KSR1: variants seen among roughly 807,000 people sequenced by gnomAD.
KSR1 encodes the protein kinase suppressor of ras 1.
A neutral mutation model predicts 92.9 loss-of-function variants in KSR1; 35 were observed. The ratio of observed to expected loss-of-function variants is 0.38; its 90% CI spans 0.29 to 0.50. The LOEUF (loss-of-function observed/expected upper bound fraction) is 0.50, where lower values mean the gene tolerates loss of function less well. Among genes scored for constraint, KSR1 ranks in the 20% least tolerant of loss-of-function variants. The pLI is 0.94. For synonymous variants in KSR1, 467 were observed against 472.6 expected (o/e 0.99, Z 0.15); for missense variants, 972 against 1,158.5 (o/e 0.84, Z 2.34).
At chr17:27,486,546 G>A (rs1432550294) in intron 1 of KSR1, among the ~76,000 whole-genome samples, 1 of 152,202 alleles carries the variant, frequency 6.6e-6, no homozygotes, top group East Asian at 1.9e-4. Flanking sequence ...TGGGAAGTGG[G>A]GGCCCTGGAG....
intron 1 of KSR1, among the ~76,000 whole-genome samples, chr17:27,537,723 C>G (rs1240371227): frequency 6.6e-6 from 1 of 152,090 alleles, no homozygotes; most frequent in Non-Finnish European, 1.5e-5. Context: ...ATAAAAATAC[C>G]TATCGGGATT....
intron 2 of KSR1, among the ~76,000 whole-genome samples, chr17:27,568,666 A>G (rs2072183150): frequency 6.6e-6 from 1 of 152,190 alleles, no homozygotes; most frequent in Non-Finnish European, 1.5e-5. Flanking sequence ...GGGGTCCCCC[A>G]TGGGGAGTTA....
intron 2 of KSR1, among the ~76,000 whole-genome samples, chr17:27,556,689 C>G (rs2071608097): frequency 6.6e-6 from 1 of 152,218 alleles, no homozygotes; most frequent in Non-Finnish European, 1.5e-5. Context: ...GGGCCATGCC[C>G]ACAGAAGAAG....
intron 2 of KSR1, chr17:27,560,595 T>C: frequency 6.3e-6 from 3 of 478,310 alleles, no homozygotes; most frequent in Non-Finnish European, 1.3e-5. Context: ...ACCATTTTGG[T>C]TTCCCAGTGG....
In KSR1 at chr17:27,624,909, G is replaced by A. The variant is rs2074306232; in HGVS notation, c.*1517G>A. ...TGAGCTGCTCTGCCAGCAAGCTGTG[G>A]AGCTGCCTCCTCTCCAGGCCTGGCA... is the stretch of plus-strand genomic sequence containing the variant. On this transcript the variant is annotated 3_prime_UTR_variant, in exon 21 of 21. Coordinates refer to ENST00000644974, the MANE Select transcript of KSR1 (RefSeq NM_001394583.1). 1 of 152,346 alleles carries A rather than the reference G, an allele frequency of 6.6e-6. No individual in the cohort carries two copies. The highest frequency in any genetic ancestry group is 2.1e-4 in the South Asian group (1 of 4,826). 9.4% of individuals were successfully genotyped at this position (152,346 alleles called of 1,614,324 possible). A position where few individuals can be genotyped will look rare whatever the true frequency, so the allele number is the denominator to read the frequency against.
At chr17:27,605,980 T>C (rs2073739695) in intron 14 of KSR1, among the ~76,000 whole-genome samples, 167 bp downstream of exon 14, 1 of 152,138 alleles carries the variant, frequency 6.6e-6, no homozygotes, top group African/African-American at 2.4e-5. Context: ...GCATTGACAC[T>C]AAAAAATAAA....
chr17:27,603,904 T>G lies in KSR1; in HGVS notation c.1565+16T>G, dbSNP rs1598129083. 2 of 1,613,398 alleles carry G rather than the reference T, an allele frequency of 1.2e-6. No individual in the cohort carries two copies. The highest frequency in any genetic ancestry group is 4.5e-5 in the East Asian group (2 of 44,872). On this transcript the variant is annotated intron_variant, in intron 12 of 20. Coordinates refer to ENST00000644974, the MANE Select transcript of KSR1 (RefSeq NM_001394583.1). ...ACGGTACCCGGTAGGCATCCCTAGG[T>G]GGTGTCCCCTTCGCTTCTTTGGGGA...
intron 2 of KSR1, among the ~76,000 whole-genome samples, chr17:27,551,949 C>T (rs1460810433): frequency 6.6e-6 from 1 of 152,204 alleles, no homozygotes; most frequent in Non-Finnish European, 1.5e-5. Context: ...GGATAAACGC[C>T]AGATGCCTTC....
intron 1 of KSR1, among the ~76,000 whole-genome samples, chr17:27,488,373 A>C (rs948536439): frequency 2.0e-5 from 3 of 150,752 alleles, no homozygotes; most frequent in African/African-American, 7.3e-5. Context: ...TTTTTTTTTT[A>C]ATAGCTGATA....
chr17:27,463,467 GAA>G (rs963635192), intron 1 of KSR1, among the ~76,000 whole-genome samples: 181 of 109,658 alleles, frequency 1.7e-3, no homozygotes, highest in African/African-American at 5.7e-3. Context: ...GGATGACAGA[GAA>G]AAAAAAAAAA....
chr17:27,460,618 C>T (rs1390192192), intron 1 of KSR1, among the ~76,000 whole-genome samples: 1 of 152,110 alleles, frequency 6.6e-6, no homozygotes, highest in African/African-American at 2.4e-5. Context: ...TGCCCTGGAG[C>T]CGCAGGGGGT....
At position 27,592,542 on chromosome 17, in the gene KSR1, A is replaced by G. The variant is rs758222575; in HGVS notation, c.1215A>G (p.Glu405=). Residue 405 remains glutamate (E), a synonymous_variant, in exon 9 of 21, where the codon GAA becomes GAG. Coordinates refer to ENST00000644974, the MANE Select transcript of KSR1 (RefSeq NM_001394583.1). The part of the protein sequence containing the change: ...FLPLTRLRRT[E]SVPSDINNPV... ...CAGTAACTCGGCTTCGGAGGACAGA[A>G]TCTGTCCCCTCGGACATCAACAACC... 8 of 1,613,806 alleles carry G rather than the reference A, an allele frequency of 5.0e-6. No homozygotes were observed. Among genetic ancestry groups the G allele is most frequent in the Middle Eastern group, 1.6e-4 (1 of 6,084 alleles).
intron 1 of KSR1, among the ~76,000 whole-genome samples, chr17:27,471,222 T>C (rs186376315): frequency 6.6e-6 from 1 of 152,226 alleles, no homozygotes; most frequent in African/African-American, 2.4e-5. Flanking sequence ...TTAGGCACTG[T>C]TTTAGGCACT....
intron 10 of KSR1, among the ~76,000 whole-genome samples, chr17:27,600,856 T>C (rs1243992548): frequency 6.6e-6 from 1 of 152,178 alleles, no homozygotes; most frequent in African/African-American, 2.4e-5. Context: ...TGTGGCAGAA[T>C]TGAGGTTGGA....
intron 2 of KSR1, among the ~76,000 whole-genome samples, chr17:27,566,133 G>C (rs1309617637): frequency 1.6e-4 from 25 of 152,140 alleles, no homozygotes; most frequent in Admixed American, 1.6e-3. Flanking sequence ...AGATGACCGT[G>C]TTCTTATTGA....
chr17:27,478,431 C>T (rs2068408853), intron 1 of KSR1, among the ~76,000 whole-genome samples: 1 of 152,090 alleles, frequency 6.6e-6, no homozygotes. Flanking sequence ...CTGTTTGGGG[C>T]TGTTATGCGG....
At chr17:27,496,535 A>G (rs2068991874) in intron 1 of KSR1, among the ~76,000 whole-genome samples, 1 of 152,018 alleles carries the variant, frequency 6.6e-6, no homozygotes, top group Non-Finnish European at 1.5e-5. Flanking sequence ...CTCCCTTCCA[A>G]CAGAAGGGAG....
At chr17:27,585,817 C>T in intron 5 of KSR1, 156 bp downstream of exon 5, 1 of 681,654 alleles carries the variant, frequency 1.5e-6, no homozygotes, top group Non-Finnish European at 2.7e-6. Context: ...AGGAAATAGC[C>T]CTAAGACAGG....
intron 1 of KSR1, among the ~76,000 whole-genome samples, chr17:27,549,180 G>C (rs970256492): frequency 6.6e-6 from 1 of 152,240 alleles, no homozygotes; most frequent in African/African-American, 2.4e-5. Context: ...CAGCAGGGTT[G>C]AGAAGTGTCT....
Sources: gnomAD v4.1 joint callset for allele counts (sites outside exome capture counted in the v4.1 genomes callset) on GRCh38, gnomAD v4.1.1 for gene constraint, MANE v1.5 for transcripts, NCBI Gene and HGNC (gene_info 2026-07-23, HGNC 2026-07-21) for gene names.